SOCS2: variants seen among roughly 807,000 people sequenced by gnomAD.
The protein encoded by SOCS2 is suppressor of cytokine signaling 2, also known as CIS-2.
SOCS2 carries 10 observed loss-of-function variants against 18.6 expected under a neutral mutation model. The observed-to-expected ratio is 0.54, with a 90% CI of 0.33 to 0.91. The LOEUF is 0.91. Ranked by LOEUF, SOCS2 falls within the 40% of genes least tolerant of loss-of-function variation. The pLI, the probability that SOCS2 is intolerant of heterozygous loss-of-function variation, is 0.02. For synonymous variants in SOCS2, 104 were observed against 104.0 expected, an observed-to-expected ratio of 1.00 and a Z score of 0.00; for missense variants, 231 against 247.2, an observed-to-expected ratio of 0.93 and a Z score of 0.44.
the SOCS2 span, among the ~76,000 whole-genome samples, chr12:93,614,039 T>A: frequency 0.14 from 21,310 of 152,084 alleles, 2,424 homozygotes; most frequent in African/African-American, 0.29. Context: ...GGAATCCACT[T>A]TACTTGGAAT....
chr12:93,573,012 GC>G lies in SOCS2; in HGVS notation c.118del (p.Leu40CysfsTer14). The G allele has an allele frequency of 6.4e-7, 1 of 1,568,670 alleles. No homozygotes were observed. On this transcript the variant is annotated frameshift_variant, in exon 1 of 2. Coordinates refer to ENST00000551556, the MANE Select transcript of SOCS2 (RefSeq NM_001270471.2). LOFTEE classifies it high-confidence loss of function. ...CCCGCAGGCGGCGCGTCTGGCGAAG[GC>G]CCTGCGGGAGCTCGGTCAGACAGGT... ...PSPQAARLAK[A>X]LRELGQTGWY...
chr12:93,572,092 C>T (rs1234327421), upstream of SOCS2: 1 of 177,150 alleles, frequency 5.6e-6, no homozygotes, highest in Non-Finnish European at 1.2e-5. The surrounding 1 kb of genome is among the most constrained non-coding windows in gnomAD (Gnocchi z 5.0). Context: ...CGCGGCACCC[C>T]CAACCCCGCC....
chr12:93,584,915 A>G (rs1790788031), downstream of SOCS2, among the ~76,000 whole-genome samples: 1 of 152,050 alleles, frequency 6.6e-6, no homozygotes, highest in Admixed American at 6.5e-5. Flanking sequence ...GGTGCCTGCC[A>G]CCATGCCCAA....
intron 1 of SOCS2, chr12:93,574,475 A>C: frequency 2.8e-6 from 1 of 353,608 alleles, no homozygotes. Flanking sequence ...GAGCTTCAGA[A>C]AGTTGATTTT....
the SOCS2 span, among the ~76,000 whole-genome samples, chr12:93,624,282 T>C: frequency 3.9e-5 from 6 of 152,116 alleles, no homozygotes; most frequent in African/African-American, 1.2e-4. Context: ...CTATGAAAAA[T>C]ACATTTCTGG....
chr12:93,613,426 A>G, the SOCS2 span, among the ~76,000 whole-genome samples: 1 of 152,064 alleles, frequency 6.6e-6, no homozygotes, highest in Admixed American at 6.5e-5. Flanking sequence ...AACCAAAAAC[A>G]AAAACAAACA....
the SOCS2 span, among the ~76,000 whole-genome samples, chr12:93,601,167 T>C: frequency 2.0e-5 from 3 of 151,754 alleles, no homozygotes; most frequent in African/African-American, 7.3e-5. Flanking sequence ...GGGATCACTA[T>C]TGATTTTTGG....
the SOCS2 span, among the ~76,000 whole-genome samples, chr12:93,617,227 C>A: frequency 4.4e-4 from 67 of 152,262 alleles, no homozygotes; most frequent in African/African-American, 1.6e-3. Context: ...TGGTGGGAAT[C>A]CCATACTAAC....
downstream of SOCS2, among the ~76,000 whole-genome samples, chr12:93,580,244 A>AT (rs1394928531): frequency 6.6e-6 from 1 of 152,102 alleles, no homozygotes; most frequent in Non-Finnish European, 1.5e-5. Flanking sequence ...TTTGCTAAGC[A>AT]TTTTTTCCCT....
chr12:93,595,301 C>T, the SOCS2 span, among the ~76,000 whole-genome samples: 4 of 152,038 alleles, frequency 2.6e-5, no homozygotes, highest in African/African-American at 9.7e-5. Flanking sequence ...AAAGGAGGTA[C>T]ATTTTAGAAT....
the SOCS2 span, among the ~76,000 whole-genome samples, chr12:93,621,257 A>G: frequency 6.6e-6 from 1 of 152,230 alleles, no homozygotes; most frequent in African/African-American, 2.4e-5. Flanking sequence ...GTCTTTCTTT[A>G]GCATCAGAAA....
At chr12:93,622,460 C>T in the SOCS2 span, among the ~76,000 whole-genome samples, 5 of 152,174 alleles carry the variant, frequency 3.3e-5, no homozygotes, top group Admixed American at 2.6e-4. Context: ...TATGATGCTG[C>T]ACTCATACCT....
the SOCS2 span, among the ~76,000 whole-genome samples, chr12:93,626,085 G>C: frequency 3.9e-5 from 6 of 152,274 alleles, no homozygotes; most frequent in African/African-American, 1.4e-4. Context: ...TTCTGCCAAA[G>C]GTTTGGTTCT....
chr12:93,610,618 C>T, the SOCS2 span, among the ~76,000 whole-genome samples: 1 of 152,166 alleles, frequency 6.6e-6, no homozygotes, highest in Non-Finnish European at 1.5e-5. Context: ...CACTCCAGTT[C>T]ATGAATGGGC....
chr12:93,618,419 A>G, the SOCS2 span, among the ~76,000 whole-genome samples: 2 of 152,004 alleles, frequency 1.3e-5, no homozygotes, highest in East Asian at 1.9e-4. Flanking sequence ...CCCTTCGAAG[A>G]CTTCCTGACA....
the SOCS2 span, among the ~76,000 whole-genome samples, chr12:93,597,838 C>G: frequency 6.6e-6 from 1 of 152,228 alleles, no homozygotes; most frequent in Admixed American, 6.5e-5. Context: ...AAACTCTACC[C>G]AAAAGTTATT....
chr12:93,601,423 C>T, the SOCS2 span, among the ~76,000 whole-genome samples: 1 of 151,798 alleles, frequency 6.6e-6, no homozygotes, highest in South Asian at 2.1e-4. Flanking sequence ...TACAGGCGCC[C>T]ACCACCATGG....
chr12:93,623,979 C>G, the SOCS2 span, among the ~76,000 whole-genome samples: 2 of 152,182 alleles, frequency 1.3e-5, no homozygotes, highest in African/African-American at 4.8e-5. Flanking sequence ...GCTGGGATTA[C>G]AGGTGTGAGC....
At chr12:93,604,419 T>C in the SOCS2 span, among the ~76,000 whole-genome samples, 1 of 152,194 alleles carries the variant, frequency 6.6e-6, no homozygotes, top group Non-Finnish European at 1.5e-5. Context: ...TTTTTATGCT[T>C]GAGTTTTATT....
Sources: allele counts gnomAD v4.1 joint callset (sites outside exome capture counted in the v4.1 genomes callset), GRCh38; gene constraint gnomAD v4.1.1; non-coding constraint Gnocchi (gnomAD v3.1); transcripts MANE v1.5; gene names NCBI Gene and HGNC (gene_info 2026-07-23, HGNC 2026-07-21).